CCDC7: variants seen among roughly 807,000 people sequenced by gnomAD.
The protein encoded by CCDC7 is coiled-coil domain-containing protein 7.
A neutral mutation model predicts 196.9 loss-of-function variants in CCDC7; 183 were observed. That is an observed-to-expected ratio of 0.93 (90% confidence interval 0.82 to 1.05). The LOEUF (loss-of-function observed/expected upper bound fraction) is 1.05. Ranked by LOEUF, CCDC7 falls within the 50% of genes least tolerant of loss-of-function variation. The pLI is 0.00. For synonymous variants in CCDC7, 525 were observed against 484.6 expected, an observed-to-expected ratio of 1.08 and a Z score of -1.10; for missense variants, 1,540 against 1,482.2, an observed-to-expected ratio of 1.04 and a Z score of -0.64.
At chr10:32,505,724 T>TG (rs1158224248) in intron 9 of CCDC7, among the ~76,000 whole-genome samples, 2 of 151,702 alleles carry the variant, frequency 1.3e-5, no homozygotes, top group African/African-American at 4.8e-5. Flanking sequence ...ACCTCCCAGA[T>TG]GGGGCGGCTG....
intron 41 of CCDC7, among the ~76,000 whole-genome samples, chr10:32,856,313 T>A (rs1375730707): frequency 6.6e-6 from 1 of 152,192 alleles, no homozygotes; most frequent in African/African-American, 2.4e-5. Flanking sequence ...AAATCACATA[T>A]CTGATAAGGT....
chr10:32,670,720 CT>C (rs1460296117), intron 21 of CCDC7, among the ~76,000 whole-genome samples: 2 of 152,052 alleles, frequency 1.3e-5, no homozygotes, highest in African/African-American at 4.8e-5. Context: ...AGGACGTGAA[CT>C]CATCATTTCA....
chr10:32,481,593 A>G (rs1212650798), intron 8 of CCDC7: 3 of 152,190 alleles, frequency 2.0e-5, no homozygotes, highest in African/African-American at 7.2e-5. Flanking sequence ...ATGTAATTTT[A>G]CTATATACAC....
intron 20 of CCDC7, among the ~76,000 whole-genome samples, chr10:32,662,969 G>A (rs546779664): frequency 6.6e-6 from 1 of 152,156 alleles, no homozygotes; most frequent in Admixed American, 6.6e-5. Context: ...TTCAGTGGCA[G>A]GGAACTCACC....
chr10:32,633,213 G>GCA lies in CCDC7; in HGVS notation c.1802-1018_1802-1017dup, dbSNP rs5784300. Among the ~76,000 whole-genome samples, 1,266 of 151,114 alleles carry GCA rather than the reference G, an allele frequency of 8.4e-3. 15 individuals carry two copies. Among genetic ancestry groups the GCA allele is most frequent in the African/African-American group, 0.025 (1,040 of 41,128 alleles). Reference sequence around the variant, plus strand: ...GGCTCCTCAGTTTGCGCGCGTGCACGCACACACACACACACACACACACAT... The same window carrying GCA: ...GGCTCCTCAGTTTGCGCGCGTGCACGCACACACACACACACACACACACACAT... On this transcript the variant is annotated intron_variant, in intron 18 of 41. Transcript: ENST00000639629.
chr10:32,491,945 C>T lies in CCDC7; in HGVS notation c.820C>T (p.Arg274Ter), dbSNP rs374291544. The T allele has an allele frequency of 9.3e-5, 147 of 1,572,996 alleles. 2 individuals carry two copies. In the Admixed American group the frequency reaches 2.1e-3, roughly 23 times the overall value. The change falls in exon 9 of 42, where the codon CGA (arginine) becomes TGA (stop). Residue 274 changes from arginine (R) to a stop codon, truncating the protein, a stop_gained. Transcript: ENST00000639629. LOFTEE classifies it high-confidence loss of function. ...AGAAACTGCTCATTCAATGACTAATCGATTTAATGCCATGTTGAAAGTATT... is the reference window on the plus strand; with the variant it reads ...AGAAACTGCTCATTCAATGACTAATTGATTTAATGCCATGTTGAAAGTATT...
chr10:32,816,093 A>G (rs1593055599), intron 31 of CCDC7, among the ~76,000 whole-genome samples: 1 of 112,300 alleles, frequency 8.9e-6, no homozygotes, highest in Non-Finnish European at 1.8e-5. Context: ...CTAGTAAAAG[A>G]AAGGGGTGAC....
intron 11 of CCDC7, among the ~76,000 whole-genome samples, chr10:32,526,419 G>A (rs2135739553): frequency 6.6e-6 from 1 of 152,254 alleles, no homozygotes; most frequent in Admixed American, 6.5e-5. Context: ...CTGTGGTTGA[G>A]CTGATACCTA....
intron 20 of CCDC7, among the ~76,000 whole-genome samples, chr10:32,639,723 C>A (rs574415212): frequency 6.6e-6 from 1 of 151,144 alleles, no homozygotes; most frequent in South Asian, 2.1e-4. Context: ...TGCCTCCTGG[C>A]TTCACGCCAT....
intron 3 of CCDC7, 73 bp downstream of exon 4, chr10:32,456,407 T>C: frequency 8.1e-7 from 1 of 1,240,264 alleles, no homozygotes; most frequent in Non-Finnish European, 1.1e-6. Flanking sequence ...GAATCTGCTA[T>C]CCAGTCAGCC....
At chr10:32,673,517 A>G (rs1330895500) in intron 21 of CCDC7, among the ~76,000 whole-genome samples, 1 of 151,564 alleles carries the variant, frequency 6.6e-6, no homozygotes, top group Admixed American at 6.6e-5. Context: ...TTCCTTTTTG[A>G]TGTGATTGTA....
upstream of CCDC7, among the ~76,000 whole-genome samples, chr10:32,444,736 T>TA (rs1325667577): frequency 2.6e-5 from 4 of 151,648 alleles, no homozygotes; most frequent in African/African-American, 9.7e-5. Flanking sequence ...CTTTAAAAAA[T>TA]AAAAAATTGT....
chr10:32,872,236 A>T (rs943402785), intron 41 of CCDC7, among the ~76,000 whole-genome samples: 3 of 151,948 alleles, frequency 2.0e-5, no homozygotes, highest in Non-Finnish European at 2.9e-5. Context: ...ATTGTGTGGG[A>T]GTCTAAGTCT....
chr10:32,557,240 AAT>A (rs36002530), intron 13 of CCDC7, among the ~76,000 whole-genome samples: 51,427 of 149,568 alleles, frequency 0.34, 11,209 homozygotes, highest in Non-Finnish European at 0.5. Context: ...CCTTTTGTAT[AAT>A]ATGTCATTTT....
chr10:32,558,736 G>A (rs1273989204), intron 13 of CCDC7, among the ~76,000 whole-genome samples: 2 of 152,242 alleles, frequency 1.3e-5, no homozygotes, highest in African/African-American at 2.4e-5. Flanking sequence ...CCCAGCGTGA[G>A]TGACGCAGAA....
chr10:32,621,718 C>T (rs1253230187), intron 18 of CCDC7, among the ~76,000 whole-genome samples: 1 of 152,136 alleles, frequency 6.6e-6, no homozygotes, highest in Non-Finnish European at 1.5e-5. Context: ...CAACCAGGAG[C>T]TCCAATTCCA....
At chr10:32,709,642 G>A (rs1346918317) in intron 24 of CCDC7, among the ~76,000 whole-genome samples, 1 of 152,020 alleles carries the variant, frequency 6.6e-6, no homozygotes, top group African/African-American at 2.4e-5. Context: ...AAATACAGAT[G>A]AATCTTCGCT....
intron 23 of CCDC7, among the ~76,000 whole-genome samples, chr10:32,691,333 C>T (rs1188782619): frequency 6.6e-6 from 1 of 152,028 alleles, no homozygotes; most frequent in Admixed American, 6.5e-5. Context: ...GTGAAAAGTC[C>T]ATCAGTGTCC....
intron 13 of CCDC7, among the ~76,000 whole-genome samples, chr10:32,556,510 TTTC>T: frequency 6.6e-6 from 1 of 152,286 alleles, no homozygotes; most frequent in East Asian, 1.9e-4. Context: ...ATCATTTAAC[TTTC>T]TTCTTCCTTT....
Sources: gnomAD v4.1 joint callset for allele counts (sites outside exome capture counted in the v4.1 genomes callset) on GRCh38, gnomAD v4.1.1 for gene constraint, MANE v1.5 for transcripts, NCBI Gene and HGNC (gene_info 2026-07-23, HGNC 2026-07-21) for gene names.